The following SDK1 variants were observed in gnomAD, a reference collection of about 807,000 sequenced individuals.
SDK1 encodes the protein protein sidekick-1.
A neutral mutation model predicts 245.5 loss-of-function variants in SDK1; 157 were observed. That is an observed-to-expected ratio of 0.64 (90% CI 0.56 to 0.73). The LOEUF is 0.73. Ranked by LOEUF, SDK1 falls within the 30% of genes least tolerant of loss-of-function variation. The pLI is 0.00. For missense variants in SDK1, 3,583 were observed against 3,002.3 expected, an observed-to-expected ratio of 1.19 and a Z score of -4.52; for synonymous variants, 1,647 against 1,278.5, an observed-to-expected ratio of 1.29 and a Z score of -6.15.
intron 1 of SDK1, among the ~76,000 whole-genome samples, chr7:3,584,667 G>T (rs1053540792): frequency 5.9e-5 from 9 of 152,128 alleles, no homozygotes; most frequent in African/African-American, 2.2e-4. Flanking sequence ...TGTCCGCTGA[G>T]TGAGCTGGTG....
chr7:4,178,645 C>G (rs937914437), intron 35 of SDK1, 59 bp downstream of exon 35: 5 of 1,250,110 alleles, frequency 4.0e-6, no homozygotes, highest in South Asian at 1.2e-5. Flanking sequence ...TGGGGACAGC[C>G]AGGCACGCTG....
At position 4,042,209 on chromosome 7, in the gene SDK1, G is replaced by A. The variant is rs576386449; in HGVS notation, c.2603-7139G>A. ...TGGGTCCCTGTGTAACCTATCCGAG[G>A]CACAGTGAGAGACCACTGCACTGTC... On this transcript the variant is annotated intron_variant, in intron 17 of 44. Transcript: ENST00000404826. Among the ~76,000 whole-genome samples, 83 of 136,062 alleles carry A rather than the reference G, an allele frequency of 6.1e-4. 11 individuals are homozygous for A. The highest frequency in any genetic ancestry group is 3.2e-4 in the Non-Finnish European group (21 of 65,854). 89.3% of individuals were successfully genotyped at this position (136,062 alleles called of 152,430 possible). A position where few individuals can be genotyped will look rare whatever the true frequency, so the allele number is the denominator to read the frequency against.
intron 7 of SDK1, 153 bp downstream of exon 7, chr7:3,952,073 C>A: frequency 1.5e-6 from 1 of 663,890 alleles, no homozygotes; most frequent in Non-Finnish European, 2.5e-6. Flanking sequence ...TCCTTCCTAG[C>A]CTTCTTTCCC....
In SDK1 at chr7:3,935,923, G is replaced by A. The variant is rs115102598; in HGVS notation, c.848-15000G>A. 4.8e-3 allele frequency among the ~76,000 whole-genome samples: 733 copies of A among 152,320 alleles called. 6 individuals carry two copies. The highest frequency in any genetic ancestry group is 0.016 in the African/African-American group (668 of 41,576). ...CCAAAAGAGCTGAAAGCAGAGAGTT[G>A]AACAGATGTTTGTATGCCTGTTTAT... On this transcript the variant is annotated intron_variant, in intron 5 of 44. Transcript: ENST00000404826.
At chr7:4,106,994 A>G (rs1429608234) in intron 22 of SDK1, among the ~76,000 whole-genome samples, 2 of 151,860 alleles carry the variant, frequency 1.3e-5, no homozygotes, top group Non-Finnish European at 2.9e-5. Flanking sequence ...CTGAATCCAT[A>G]CATGCCGAGC....
intron 40 of SDK1, among the ~76,000 whole-genome samples, chr7:4,223,771 A>C (rs1369248851): frequency 2.0e-5 from 3 of 152,184 alleles, no homozygotes; most frequent in Non-Finnish European, 4.4e-5. Flanking sequence ...GCAGAGACAT[A>C]ATTCAATGCA....
chr7:3,944,005 T>G (rs1294272176), intron 5 of SDK1, among the ~76,000 whole-genome samples: 1 of 152,254 alleles, frequency 6.6e-6, no homozygotes, highest in Non-Finnish European at 1.5e-5. Context: ...TCCAGCCACC[T>G]AAAACCAGCC....
chr7:4,071,753 G>A (rs1780270652), intron 20 of SDK1, among the ~76,000 whole-genome samples: 1 of 152,190 alleles, frequency 6.6e-6, no homozygotes, highest in African/African-American at 2.4e-5. Context: ...TGGAATTAGA[G>A]CTCTGCTTAC....
intron 4 of SDK1, among the ~76,000 whole-genome samples, chr7:3,751,060 C>T (rs986288692): frequency 2.0e-5 from 3 of 152,208 alleles, no homozygotes; most frequent in African/African-American, 7.2e-5. Flanking sequence ...GAGCTCCACC[C>T]TGCAGCCACT....
At chr7:3,712,937 GA>G (rs1258217622) in intron 4 of SDK1, among the ~76,000 whole-genome samples, 6 of 152,222 alleles carry the variant, frequency 3.9e-5, no homozygotes, top group African/African-American at 1.4e-4. Flanking sequence ...ACTGTTCCCT[GA>G]AAGCTTCTGT....
chr7:3,923,971 G>C (rs1012751463), intron 5 of SDK1, among the ~76,000 whole-genome samples: 2 of 152,128 alleles, frequency 1.3e-5, no homozygotes, highest in African/African-American at 4.8e-5. Context: ...GGGTGGTCGT[G>C]ATTTTGATTC....
chr7:3,411,743 C>G (rs191268677), intron 1 of SDK1, among the ~76,000 whole-genome samples: 38 of 152,188 alleles, frequency 2.5e-4, no homozygotes, highest in Admixed American at 8.5e-4. Flanking sequence ...TGTCTAGTCT[C>G]TCCACAATTG....
intron 5 of SDK1, among the ~76,000 whole-genome samples, chr7:3,897,928 A>C (rs1781657640): frequency 1.4e-5 from 2 of 143,678 alleles, no homozygotes; most frequent in African/African-American, 5.2e-5. Flanking sequence ...CTTTTCTCTC[A>C]CTCTTTTCTT....
chr7:3,498,924 A>G (rs1782107792), intron 1 of SDK1, among the ~76,000 whole-genome samples: 1 of 152,194 alleles, frequency 6.6e-6, no homozygotes, highest in South Asian at 2.1e-4. Flanking sequence ...AAGGGCAAGT[A>G]AGCATCAATT....
chr7:3,537,335 A>G (rs1189657755), intron 1 of SDK1, among the ~76,000 whole-genome samples: 1 of 152,164 alleles, frequency 6.6e-6, no homozygotes, highest in African/African-American at 2.4e-5. Context: ...AACTGGCCCT[A>G]AGTCACACAG....
chr7:3,951,683 C>G, intron 6 of SDK1, 47 bp from the exon 7 acceptor site: 1 of 1,567,296 alleles, frequency 6.4e-7, no homozygotes, highest in Non-Finnish European at 8.7e-7. Context: ...ACCGTTGCCA[C>G]CTCCCTGAGT....
chr7:4,206,881 A>C (rs1286468218), intron 36 of SDK1, among the ~76,000 whole-genome samples: 1 of 152,208 alleles, frequency 6.6e-6, no homozygotes, highest in Non-Finnish European at 1.5e-5. Context: ...TGGTTTTTGC[A>C]GGTGTGTTAT....
intron 17 of SDK1, among the ~76,000 whole-genome samples, chr7:4,047,800 G>A (rs927588043): frequency 5.3e-5 from 8 of 152,184 alleles, no homozygotes; most frequent in Non-Finnish European, 1.5e-5. Flanking sequence ...GCTGTCTTAT[G>A]GGCTCAGGAA....
rs117917051 is a variant in SDK1 at position 4,124,852 on chromosome 7, G to A, written c.3824-2529G>A. ...TGAATGGATGGATGGATAGGTGATG[G>A]GCGAATGGATGGATGGGTGGATGGT... On this transcript the variant is annotated intron_variant, in intron 25 of 44. Coordinates refer to ENST00000404826, the MANE Select transcript of SDK1 (RefSeq NM_152744.4). 1.6e-4 allele frequency among the ~76,000 whole-genome samples: 24 copies of A among 152,192 alleles called. No individual in the cohort carries two copies. In the East Asian group the frequency reaches 4.4e-3, roughly 28 times the overall value.
Sources: allele counts gnomAD v4.1 joint callset (sites outside exome capture counted in the v4.1 genomes callset), GRCh38; gene constraint gnomAD v4.1.1; transcripts MANE v1.5; gene names NCBI Gene and HGNC (gene_info 2026-07-23, HGNC 2026-07-21).